Variants in TOGARAM2 observed in about 807,000 individuals in gnomAD.
TOGARAM2 encodes TOG array regulator of axonemal microtubules protein 2.
Under a neutral mutation model 93.3 loss-of-function variants are expected in TOGARAM2, and 85 were observed. The observed-to-expected ratio is 0.91, with a 90% CI of 0.76 to 1.09. The LOEUF is 1.09. Among genes scored for constraint, TOGARAM2 ranks in the 50% least tolerant of loss-of-function variants. The probability of loss-of-function intolerance (pLI) is 0.00; values close to 1 mark genes in which losing one functional copy is unlikely to be tolerated. For synonymous variants in TOGARAM2, 593 were observed against 552.8 expected, an observed-to-expected ratio of 1.07 and a Z score of -1.02; for missense variants, 1,277 against 1,334.5, an observed-to-expected ratio of 0.96 and a Z score of 0.67.
At chr2:28,976,196 C>T (rs1359143265) in intron 1 of TOGARAM2, among the ~76,000 whole-genome samples, 2 of 152,110 alleles carry the variant, frequency 1.3e-5, no homozygotes, top group Non-Finnish European at 2.9e-5. Flanking sequence ...TGGTGAAACC[C>T]CGTCTCTACT....
intron 13 of TOGARAM2, among the ~76,000 whole-genome samples, chr2:29,026,363 C>T (rs1665363507): frequency 6.6e-6 from 1 of 152,314 alleles, no homozygotes; most frequent in Non-Finnish European, 1.5e-5. Flanking sequence ...CTGGTCCCCG[C>T]CCACAGGGAG....
At chr2:28,961,315 G>A (rs1174586995) in intron 1 of TOGARAM2, among the ~76,000 whole-genome samples, 1 of 152,162 alleles carries the variant, frequency 6.6e-6, no homozygotes, top group East Asian at 1.9e-4. Flanking sequence ...TTTAAAAAAA[G>A]CTTTGAGGTA....
chr2:28,958,128 T>C (rs1442569721), intron 1 of TOGARAM2, among the ~76,000 whole-genome samples: 2 of 152,194 alleles, frequency 1.3e-5, no homozygotes, highest in Middle Eastern at 3.2e-3. Flanking sequence ...AGGTCCGTTC[T>C]AGAAATTTGC....
intron 1 of TOGARAM2, among the ~76,000 whole-genome samples, chr2:28,973,439 T>TCCCTTTCCTTCCTTCCCTC (rs1671980303): frequency 4.9e-5 from 1 of 20,592 alleles, no homozygotes; most frequent in South Asian, 1.9e-3. Context: ...TTCCTTCCCT[T>TCCCTTTCCTTCCTTCCCTC]CCCCTTCCTT....
intron 1 of TOGARAM2, among the ~76,000 whole-genome samples, chr2:28,990,068 G>A (rs1672647581): frequency 6.6e-6 from 1 of 152,170 alleles, no homozygotes; most frequent in Non-Finnish European, 1.5e-5. Context: ...CTCCCATGAG[G>A]GGAGCAGAGG....
In TOGARAM2 at chr2:28,981,346, A is replaced by G. The variant is rs4994628; in HGVS notation, c.-303A>G. 25,090 of 152,330 alleles carry G rather than the reference A, an allele frequency of 0.16. 2,199 individuals are homozygous for G. The highest frequency in any genetic ancestry group is 0.24 in the South Asian group (1,135 of 4,820). The allele number at this position is 152,330 out of a possible 1,614,324, so 9.4% of individuals were successfully genotyped here. A position where few individuals can be genotyped will look rare whatever the true frequency, so the allele number is the denominator to read the frequency against. On this transcript the variant is annotated 5_prime_UTR_variant, in exon 1 of 20. Transcript: ENST00000379558. ...GAGAGCTGGAGCACGCCAGCAGTGG[A>G]GCTCGTGGCCACCCAGCCCCTGCTC...
rs764561201 is a variant in TOGARAM2 at position 29,045,305 on chromosome 2, C to T, written c.2636-19C>T. The T allele has an allele frequency of 4.9e-5, 78 of 1,607,864 alleles. No individual in the cohort carries two copies. Among genetic ancestry groups the T allele is most frequent in the Non-Finnish European group, 6.4e-5 (75 of 1,177,064 alleles). ...CAGCCCCCAGCAGTGTGGCCACTGA[C>T]ATCCCCCTTCTCTTTCAGACAACCT... On this transcript the variant is annotated intron_variant, in intron 18 of 19. Transcript: ENST00000379558.
chr2:28,990,476 C>G (rs1323503342), intron 1 of TOGARAM2, among the ~76,000 whole-genome samples: 1 of 152,222 alleles, frequency 6.6e-6, no homozygotes, highest in African/African-American at 2.4e-5. Context: ...ATCCCGCTCC[C>G]CGGGCCTGGA....
rs942258126 is a variant in TOGARAM2 at position 28,974,969 on chromosome 2, T to C, written c.-147+18272T>C. ...TTCAGTCTATATTTTTTCTGTTGGTTGCTATCGAGTAATTTCTATGGTTTT... is the reference window on the plus strand; with the variant it reads ...TTCAGTCTATATTTTTTCTGTTGGTCGCTATCGAGTAATTTCTATGGTTTT... On this transcript the variant is annotated intron_variant, in intron 1 of 6. Coordinates refer to the TOGARAM2 transcript ENST00000401723. 3.3e-5 allele frequency among the ~76,000 whole-genome samples: 5 copies of C among 152,098 alleles called. No individual in the cohort carries two copies. The South Asian group carries it at 1.0e-3, about 32-fold the overall frequency.
At chr2:28,983,198 A>AT (rs57949744) in intron 1 of TOGARAM2, among the ~76,000 whole-genome samples, 6 of 56,622 alleles carry the variant, frequency 1.1e-4, no homozygotes, top group African/African-American at 5.0e-4. Flanking sequence ...ATATATATAT[A>AT]TTTTTTTTTT....
intron 15 of TOGARAM2, 108 bp from the exon 16 acceptor site, chr2:29,033,361 C>G: frequency 9.5e-7 from 1 of 1,055,220 alleles, no homozygotes; most frequent in South Asian, 1.5e-5. Context: ...ATCTGAAGCT[C>G]TCCTAGGTGG....
intron 18 of TOGARAM2, among the ~76,000 whole-genome samples, chr2:29,039,174 C>A (rs1237917289): frequency 6.6e-6 from 1 of 152,078 alleles, no homozygotes; most frequent in Non-Finnish European, 1.5e-5. Context: ...TCTTGGGGGA[C>A]CTTTAACACC....
At chr2:28,981,894 C>T (rs1672212489) in intron 1 of TOGARAM2, among the ~76,000 whole-genome samples, 1 of 152,160 alleles carries the variant, frequency 6.6e-6, no homozygotes, top group Admixed American at 6.5e-5. Flanking sequence ...GCAACAGCTC[C>T]CTGGGGTGCT....
Position 28,999,457 on chromosome 2 carries a change from C to A in TOGARAM2, c.416C>A (p.Ala139Glu), listed in dbSNP as rs756410737. Residue 139 changes from alanine (A) to glutamate (E), a missense_variant, in exon 4 of 20, where the codon GCG becomes GAG. Coordinates refer to ENST00000379558, the MANE Select transcript of TOGARAM2 (RefSeq NM_199280.4). ...AGGAGGCTCTCAGAGGGCTTGGCAGCGTCTTCCCGAGGTGAGCACTGGCCC... is the reference window on the plus strand; with the variant it reads ...AGGAGGCTCTCAGAGGGCTTGGCAGAGTCTTCCCGAGGTGAGCACTGGCCC... ...KKRRLSEGLAASSRASLDPGG... is the reference protein window; with the variant it reads ...KKRRLSEGLAESSRASLDPGG... 1.2e-6 allele frequency: 2 copies of A among 1,605,850 alleles called. No individual in the cohort carries two copies. The highest frequency in any genetic ancestry group is 1.7e-6 in the Non-Finnish European group (2 of 1,175,490).
intron 17 of TOGARAM2, 134 bp downstream of exon 17, chr2:29,035,790 T>A: frequency 1.1e-6 from 1 of 876,468 alleles, no homozygotes; most frequent in Non-Finnish European, 1.6e-6. Flanking sequence ...ACATGGAGAC[T>A]ACCTGGAAGT....
chr2:29,004,538 G>A (rs1558420101), intron 6 of TOGARAM2, among the ~76,000 whole-genome samples: 1 of 152,246 alleles, frequency 6.6e-6, no homozygotes, highest in East Asian at 1.9e-4. Flanking sequence ...CCCGTGGTCA[G>A]TCCAGAGTGA....
intron 1 of TOGARAM2, among the ~76,000 whole-genome samples, chr2:28,974,972 T>C (rs1672002452): frequency 6.6e-6 from 1 of 151,994 alleles, no homozygotes; most frequent in Non-Finnish European, 1.5e-5. Flanking sequence ...TGTTGGTTGC[T>C]ATCGAGTAAT....
chr2:28,975,599 A>C (rs144722457), intron 1 of TOGARAM2, among the ~76,000 whole-genome samples: 10 of 152,186 alleles, frequency 6.6e-5, no homozygotes, highest in Non-Finnish European at 1.3e-4. Context: ...AGAATCCTCA[A>C]ATCTGTGTCA....
intron 16 of TOGARAM2, among the ~76,000 whole-genome samples, chr2:29,035,143 T>G: frequency 8.1e-6 from 1 of 123,514 alleles, no homozygotes; most frequent in Admixed American, 8.8e-5. Context: ...AGAGCGAGAC[T>G]CTGCCTCAAA....
Sources: gnomAD v4.1 joint callset for allele counts (sites outside exome capture counted in the v4.1 genomes callset) on GRCh38, gnomAD v4.1.1 for gene constraint, MANE v1.5 for transcripts, NCBI Gene and HGNC (gene_info 2026-07-23, HGNC 2026-07-21) for gene names.